Variants in FGGY observed in about 807,000 individuals in gnomAD.
The protein encoded by FGGY is FGGY carbohydrate kinase domain containing.
FGGY carries 72 observed loss-of-function variants against 71.3 expected under a neutral mutation model. The ratio of observed to expected loss-of-function variants is 1.01; its 90% CI spans 0.84 to 1.23. The LOEUF is 1.23. FGGY is among the 50% of genes most tolerant of loss of function. FGGY has a pLI of 0.00. For synonymous variants in FGGY, 251 were observed against 250.3 expected, an observed-to-expected ratio of 1.00 and a Z score of -0.02; for missense variants, 668 against 682.3, an observed-to-expected ratio of 0.98 and a Z score of 0.23.
chr1:59,448,698 T>C (rs1291230347), intron 5 of FGGY, among the ~76,000 whole-genome samples: 2 of 152,208 alleles, frequency 1.3e-5, no homozygotes, highest in Non-Finnish European at 2.9e-5. Flanking sequence ...ATTGTGCTTA[T>C]TCATCCATAT....
intron 4 of FGGY, among the ~76,000 whole-genome samples, chr1:59,375,300 A>T (rs900738598): frequency 1.3e-5 from 2 of 151,826 alleles, no homozygotes; most frequent in Admixed American, 6.6e-5. Context: ...AACAAAAAAA[A>T]ACTGCATGGG....
chr1:59,614,978 C>T (rs576896707), intron 9 of FGGY, among the ~76,000 whole-genome samples: 45 of 152,254 alleles, frequency 3.0e-4, no homozygotes, highest in Non-Finnish European at 5.6e-4. Context: ...AACTACAAAC[C>T]ACTGCTCAAT....
At chr1:59,608,065 C>T (rs1359016472) in intron 9 of FGGY, among the ~76,000 whole-genome samples, 155 bp downstream of exon 9, 1 of 152,240 alleles carries the variant, frequency 6.6e-6, no homozygotes, top group Non-Finnish European at 1.5e-5. Flanking sequence ...ATGTCATACA[C>T]ATGCAGCATA....
At chr1:59,551,099 T>C (rs1204809469) in intron 7 of FGGY, among the ~76,000 whole-genome samples, 4 of 152,098 alleles carry the variant, frequency 2.6e-5, no homozygotes, top group African/African-American at 9.7e-5. Flanking sequence ...ATGATGATGG[T>C]GATGATGGTG....
intron 14 of FGGY, among the ~76,000 whole-genome samples, chr1:59,687,463 A>G (rs950809259): frequency 9.9e-5 from 15 of 151,246 alleles, no homozygotes; most frequent in African/African-American, 3.4e-4. Flanking sequence ...TCACTAATGA[A>G]ACTAATTTCT....
intron 6 of FGGY, 32 bp from the exon 7 acceptor site, chr1:59,512,279 G>A: frequency 1.3e-6 from 2 of 1,571,354 alleles, no homozygotes; most frequent in Non-Finnish European, 1.7e-6. Flanking sequence ...TTTTCAAACT[G>A]ATGGTGTTTG....
intron 14 of FGGY, among the ~76,000 whole-genome samples, chr1:59,736,608 C>T (rs375630260): frequency 6.6e-6 from 1 of 152,136 alleles, no homozygotes; most frequent in East Asian, 1.9e-4. Context: ...ATTTATGGAA[C>T]TTTGAACTTG....
intron 6 of FGGY, among the ~76,000 whole-genome samples, chr1:59,474,768 A>G (rs1427253259): frequency 2.0e-5 from 3 of 152,244 alleles, no homozygotes; most frequent in African/African-American, 7.2e-5. Context: ...ATAAATAAGT[A>G]ATAAGTTCAC....
intron 14 of FGGY, among the ~76,000 whole-genome samples, chr1:59,698,256 T>C (rs1018518570): frequency 6.6e-6 from 1 of 152,186 alleles, no homozygotes; most frequent in Admixed American, 6.5e-5. Flanking sequence ...CTGCATGTCA[T>C]ATGTATCATT....
At chr1:59,627,034 C>G (rs1417391557) in intron 10 of FGGY, among the ~76,000 whole-genome samples, 2 of 151,964 alleles carry the variant, frequency 1.3e-5, no homozygotes, top group Non-Finnish European at 2.9e-5. Context: ...TATTGTCATG[C>G]CTCATGTCCC....
chr1:59,458,481 G>T (rs1041402836), intron 6 of FGGY, among the ~76,000 whole-genome samples: 58 of 152,100 alleles, frequency 3.8e-4, no homozygotes, highest in African/African-American at 1.4e-3. Context: ...TGGCAATTGG[G>T]TATAACTTCA....
chr1:59,465,199 G>A (rs192212376), intron 6 of FGGY, among the ~76,000 whole-genome samples: 10 of 152,056 alleles, frequency 6.6e-5, no homozygotes, highest in African/African-American at 2.2e-4. Context: ...GATGTAAGGC[G>A]GTTCCACATA....
chr1:59,735,895 G>T (rs1397862546), intron 14 of FGGY, among the ~76,000 whole-genome samples: 1 of 152,182 alleles, frequency 6.6e-6, no homozygotes, highest in Admixed American at 6.5e-5. Flanking sequence ...GCTGGGAAAA[G>T]GGAAAACACA....
chr1:59,296,444 T>C (rs779381990), upstream of FGGY, among the ~76,000 whole-genome samples: 2 of 152,230 alleles, frequency 1.3e-5, no homozygotes, highest in African/African-American at 2.4e-5. Flanking sequence ...AGAGTCCGCC[T>C]GGGTAAGCTC....
chr1:59,513,304 G>A (rs2094560778), intron 7 of FGGY, among the ~76,000 whole-genome samples: 2 of 152,234 alleles, frequency 1.3e-5, no homozygotes, highest in South Asian at 4.1e-4. Flanking sequence ...AAACATCAGA[G>A]TACATTTCAC....
intron 14 of FGGY, among the ~76,000 whole-genome samples, chr1:59,734,916 G>A (rs2098086893): frequency 1.3e-5 from 2 of 152,226 alleles, no homozygotes; most frequent in African/African-American, 4.8e-5. Flanking sequence ...TGCCTCTAAT[G>A]TGACAGATTA....
intron 4 of FGGY, among the ~76,000 whole-genome samples, chr1:59,356,839 T>C (rs1372134309): frequency 6.6e-6 from 1 of 152,194 alleles, no homozygotes; most frequent in Non-Finnish European, 1.5e-5. Flanking sequence ...GCTTATTTTG[T>C]ATGCAAAGTG....
At chr1:59,318,975 T>C (rs1306455198) in intron 1 of FGGY, among the ~76,000 whole-genome samples, 1 of 152,230 alleles carries the variant, frequency 6.6e-6, no homozygotes, top group African/African-American at 2.4e-5. Flanking sequence ...TCTTCCTGTT[T>C]GCAGCTAATA....
intron 8 of FGGY, among the ~76,000 whole-genome samples, chr1:59,593,519 C>T (rs186469140): frequency 1.2e-3 from 177 of 152,300 alleles, no homozygotes; most frequent in Non-Finnish European, 2.2e-3. Context: ...ATACCTATCT[C>T]ACCGGCTTGT....
Sources: allele counts gnomAD v4.1 joint callset (sites outside exome capture counted in the v4.1 genomes callset), GRCh38; gene constraint gnomAD v4.1.1; transcripts MANE v1.5; gene names NCBI Gene and HGNC (gene_info 2026-07-23, HGNC 2026-07-21).